CNOT1: variants seen among roughly 807,000 people sequenced by gnomAD.
CNOT1 encodes CCR4-NOT transcription complex subunit 1, also known as CCR4-associated factor 1.
CNOT1 carries 15 observed loss-of-function variants against 273.8 expected under a neutral mutation model. The observed-to-expected ratio is 0.05, with a 90% CI of 0.04 to 0.08. CNOT1 has a LOEUF of 0.08. Among genes scored for constraint, CNOT1 ranks in the 10% least tolerant of loss-of-function variants. The pLI, the probability that CNOT1 is intolerant of heterozygous loss-of-function variation, is 1.00. For synonymous variants in CNOT1, 1,022 were observed against 1,005.5 expected, an observed-to-expected ratio of 1.02 and a Z score of -0.31; for missense variants, 1,644 against 2,912.2, an observed-to-expected ratio of 0.56 and a Z score of 10.02.
At chr16:58,532,488 C>A in intron 40 of CNOT1, 93 bp from the exon 41 acceptor site, 2 of 1,519,334 alleles carry the variant, frequency 1.3e-6, no homozygotes, top group East Asian at 2.3e-5. Flanking sequence ...TTCTTAAACC[C>A]AACATTAAAG....
chr16:58,607,796 A>G (rs2042741762), intron 1 of CNOT1, among the ~76,000 whole-genome samples: 1 of 151,884 alleles, frequency 6.6e-6, no homozygotes, highest in African/African-American at 2.4e-5. Flanking sequence ...AAGAGATAGA[A>G]GTCAGAACAA....
intron 13 of CNOT1, among the ~76,000 whole-genome samples, chr16:58,577,987 T>G (rs979924794): frequency 6.6e-6 from 1 of 152,012 alleles, no homozygotes; most frequent in Non-Finnish European, 1.5e-5. Context: ...AAAATGTAAA[T>G]GTTGGATTTA....
At chr16:58,596,500 G>C (rs1194585116) in intron 2 of CNOT1, among the ~76,000 whole-genome samples, 1 of 152,114 alleles carries the variant, frequency 6.6e-6, no homozygotes, top group East Asian at 1.9e-4. Flanking sequence ...GTTCCAGCAA[G>C]GTAGGAAAAA....
At chr16:58,555,078 T>C (rs2040588600) in intron 21 of CNOT1, among the ~76,000 whole-genome samples, 173 bp downstream of exon 21, 1 of 152,008 alleles carries the variant, frequency 6.6e-6, no homozygotes, top group African/African-American at 2.4e-5. Context: ...AATGGTGGTA[T>C]GCACCTGTGG....
In CNOT1 at chr16:58,531,970, C is replaced by G. The variant is rs201226960; in HGVS notation, c.6165G>C (p.Thr2055=). 19 of 1,613,942 alleles carry G rather than the reference C, an allele frequency of 1.2e-5. No homozygotes were observed. The Admixed American group carries it at 2.7e-4, about 23-fold the overall frequency. Residue 2055 remains threonine (T), a synonymous_variant, in exon 42 of 49, where the codon ACG becomes ACC. Coordinates refer to ENST00000317147, the MANE Select transcript of CNOT1 (RefSeq NM_016284.5). ...RIFIARMLAH[T]PQQKGWPMYA... is the part of the protein sequence containing the mutation. ...ACTGCAGCCACACCTTCTGCTGTGG[C>G]GTATGTGCCAGCATTCTTGCAATAA...
At chr16:58,608,202 T>C (rs2042758965) in intron 1 of CNOT1, among the ~76,000 whole-genome samples, 2 of 151,604 alleles carry the variant, frequency 1.3e-5, no homozygotes, top group Admixed American at 1.3e-4. Context: ...AAAAAGAACA[T>C]TTTAAGAAAA....
chr16:58,602,758 A>T (rs1004223606), intron 1 of CNOT1, among the ~76,000 whole-genome samples: 2 of 151,702 alleles, frequency 1.3e-5, no homozygotes, highest in Non-Finnish European at 2.9e-5. Flanking sequence ...TAATAAAAAA[A>T]ATTTTTTTAA....
chr16:58,540,000 TGTTAAG>T, intron 34 of CNOT1, 41 bp from the exon 35 acceptor site: 2 of 1,562,746 alleles, frequency 1.3e-6, no homozygotes, highest in Non-Finnish European at 1.7e-6. Flanking sequence ...GACAAAAGAA[TGTTAAG>T]GTTTTTTATT....
At chr16:58,619,030 T>TA (rs1028347112) in intron 1 of CNOT1, among the ~76,000 whole-genome samples, 10 of 152,168 alleles carry the variant, frequency 6.6e-5, no homozygotes, top group South Asian at 2.1e-4. Flanking sequence ...CCCATCACTA[T>TA]AAAAAAACTT....
At chr16:58,592,533 G>GT (rs2042100334) in intron 2 of CNOT1, among the ~76,000 whole-genome samples, 4 of 152,114 alleles carry the variant, frequency 2.6e-5, no homozygotes, top group Admixed American at 2.6e-4. Context: ...TGCCATGAAT[G>GT]TGTCTGTGAA....
intron 39 of CNOT1, among the ~76,000 whole-genome samples, chr16:58,535,045 G>T (rs2039883703): frequency 6.6e-6 from 1 of 152,166 alleles, no homozygotes; most frequent in Non-Finnish European, 1.5e-5. Flanking sequence ...TGAACTAGAA[G>T]TGAAGCACAG....
chr16:58,560,090 G>C, intron 17 of CNOT1, 122 bp downstream of exon 17: 1 of 1,524,800 alleles, frequency 6.6e-7, no homozygotes, highest in Non-Finnish European at 8.8e-7. Context: ...TAAAATAAGT[G>C]GATGCTAGAC....
intron 2 of CNOT1, among the ~76,000 whole-genome samples, chr16:58,598,360 T>C (rs1417861213): frequency 1.4e-5 from 2 of 143,450 alleles, no homozygotes; most frequent in Non-Finnish European, 3.0e-5. Context: ...ATTGTGCCAC[T>C]GCACTCCAGC....
chr16:58,582,524 A>G (rs903669696), intron 10 of CNOT1, among the ~76,000 whole-genome samples: 1 of 152,208 alleles, frequency 6.6e-6, no homozygotes, highest in African/African-American at 2.4e-5. Flanking sequence ...TCAGTTTGCA[A>G]CCGAAGTAGA....
Position 58,560,615 on chromosome 16 carries a change from A to AT in CNOT1, c.1980-254dup, listed in dbSNP as rs1203744238. Among the ~76,000 whole-genome samples, 6 of 152,292 alleles carry AT rather than the reference A, an allele frequency of 3.9e-5. 1 individual carries two copies. Among genetic ancestry groups the AT allele is most frequent in the South Asian group, 4.1e-4 (2 of 4,830 alleles). ...TTGTTGAGGCTGGGCACGGTGGCTC[A>AT]TACCTGTAGTCTCACTGCTTTGAAA... On this transcript the variant is annotated intron_variant, in intron 16 of 48. Transcript: ENST00000317147.
intron 1 of CNOT1, among the ~76,000 whole-genome samples, chr16:58,622,069 T>C (rs1349293774): frequency 6.7e-6 from 1 of 150,116 alleles, no homozygotes; most frequent in Non-Finnish European, 1.5e-5. Flanking sequence ...TCCCAGCACT[T>C]TGGGAGGCCG....
intron 1 of CNOT1, among the ~76,000 whole-genome samples, chr16:58,624,995 C>G (rs1443774434): frequency 1.3e-5 from 2 of 151,740 alleles, no homozygotes; most frequent in African/African-American, 4.8e-5. Context: ...CATCTGTAAT[C>G]ACGGCACTCT....
In CNOT1 at chr16:58,549,766, G is replaced by T. The variant is rs1210375302; in HGVS notation, c.3475C>A (p.Pro1159Thr). 7 of 1,613,476 alleles carry T rather than the reference G, an allele frequency of 4.3e-6. No homozygotes were observed. Among genetic ancestry groups the T allele is most frequent in the Non-Finnish European group, 5.9e-6 (7 of 1,179,894 alleles). The change falls in exon 25 of 49, where the codon CCT becomes ACT. Residue 1159 changes from proline to threonine, a missense_variant. By Grantham distance (38) the Pro-to-Thr change is conservative (BLOSUM62 -1). This residue lies in a region of CNOT1 where 124 missense variants were observed against 289.3 expected (regional missense o/e 0.43). Coordinates refer to ENST00000317147, the MANE Select transcript of CNOT1 (RefSeq NM_016284.5). ...TTCAGAACCATCTTGTTAAATTCAG[G>T]ATTCTTCAGCGTGTCAAGGAAGTTT... ...YSNFLDTLKN[P>T]EFNKMVLNET...
chr16:58,559,296 A>C (rs1414125404), intron 17 of CNOT1, among the ~76,000 whole-genome samples: 1 of 152,182 alleles, frequency 6.6e-6, no homozygotes. Flanking sequence ...CTAATGAACA[A>C]CACTTAAGAT....
Sources: allele counts gnomAD v4.1 joint callset (sites outside exome capture counted in the v4.1 genomes callset), GRCh38; gene constraint gnomAD v4.1.1; regional missense constraint gnomAD v4.1.1; transcripts MANE v1.5; gene names NCBI Gene and HGNC (gene_info 2026-07-23, HGNC 2026-07-21).